CSMD1: variants seen among roughly 807,000 people sequenced by gnomAD.
CSMD1 encodes CUB and Sushi multiple domains 1, also known as CUB and sushi domain-containing protein 1.
In CSMD1, 213 loss-of-function variants were observed where a neutral mutation model predicts 417.5. The ratio of observed to expected loss-of-function variants is 0.51; its 90% CI spans 0.46 to 0.57. The LOEUF is 0.57. Among genes scored for constraint, CSMD1 ranks in the 20% least tolerant of loss-of-function variants. CSMD1 has a pLI of 0.00. For missense variants in CSMD1, 6,923 were observed against 4,529.7 expected (o/e 1.53, Z -15.17); for synonymous variants, 2,862 against 1,736.8 (o/e 1.65, Z -16.11).
chr8:4,870,403 A>G (rs1335526710), intron 1 of CSMD1, among the ~76,000 whole-genome samples: 2 of 152,162 alleles, frequency 1.3e-5, no homozygotes, highest in Admixed American at 6.5e-5. Flanking sequence ...ACAGAGCTAG[A>G]CCTCAATTTT....
intron 12 of CSMD1, among the ~76,000 whole-genome samples, chr8:3,455,958 C>A (rs1329362216): frequency 6.6e-6 from 1 of 152,132 alleles, no homozygotes; most frequent in Non-Finnish European, 1.5e-5. Flanking sequence ...GTGGGCTCCA[C>A]CCAGTTCGAG....
At chr8:3,546,437 G>C (rs986219010) in intron 10 of CSMD1, among the ~76,000 whole-genome samples, 1 of 151,952 alleles carries the variant, frequency 6.6e-6, no homozygotes, top group African/African-American at 2.4e-5. Flanking sequence ...TTGGGAGGCT[G>C]AGGCAGGAGA....
In CSMD1 at chr8:4,580,299, A is replaced by T. The variant is rs758060052; in HGVS notation, c.302+57043T>A. On this transcript the variant is annotated intron_variant, in intron 2 of 69. Coordinates refer to ENST00000635120, the MANE Select transcript of CSMD1 (RefSeq NM_033225.6). ...CAGCCAGGTGTCTCCATGCTCATTA[A>T]TTTATTTCCAGGAAGGTACATGAAA... 5.6e-4 allele frequency among the ~76,000 whole-genome samples: 85 copies of T among 152,158 alleles called. 1 individual carries two copies. The highest frequency in any genetic ancestry group is 1.2e-3 in the Non-Finnish European group (81 of 68,028).
chr8:4,593,255 C>T (rs549475190), intron 2 of CSMD1, among the ~76,000 whole-genome samples: 4 of 152,340 alleles, frequency 2.6e-5, no homozygotes, highest in African/African-American at 9.6e-5. Flanking sequence ...TCCGCAGGAA[C>T]ATGAGCGTTA....
chr8:4,472,681 T>C (rs2130064383), intron 2 of CSMD1, among the ~76,000 whole-genome samples: 1 of 152,170 alleles, frequency 6.6e-6, no homozygotes, highest in Non-Finnish European at 1.5e-5. Context: ...CTTTGTTATA[T>C]CAAGAAAATA....
At chr8:3,188,786 A>G (rs1796242270) in intron 35 of CSMD1, 101 bp downstream of exon 35, 4 of 1,010,080 alleles carry the variant, frequency 4.0e-6, no homozygotes, top group South Asian at 3.4e-5. Context: ...AGAGAGGGAG[A>G]GAGAGAGAGA....
chr8:3,413,680 CAAATTATGGTGACA>C (rs1812954248), intron 12 of CSMD1, among the ~76,000 whole-genome samples: 1 of 152,144 alleles, frequency 6.6e-6, no homozygotes, highest in African/African-American at 2.4e-5. Context: ...CTACTGCCTC[CAAATTATGGTGACA>C]AAATTCACAC....
At chr8:4,456,985 T>TTAAAA (rs71207092) in intron 2 of CSMD1, among the ~76,000 whole-genome samples, 2,670 of 138,688 alleles carry the variant, frequency 0.019, 37 homozygotes, top group African/African-American at 0.033. Context: ...GGTTTTTTTT[T>TTAAAA]AAAAAAAAAA....
At chr8:3,275,087 T>G (rs1421000925) in intron 26 of CSMD1, among the ~76,000 whole-genome samples, 2 of 152,230 alleles carry the variant, frequency 1.3e-5, no homozygotes, top group Non-Finnish European at 2.9e-5. Context: ...TTTCCATGTT[T>G]AGCGCTTCCT....
intron 3 of CSMD1, among the ~76,000 whole-genome samples, chr8:4,157,563 C>T (rs551434795): frequency 6.6e-6 from 1 of 152,226 alleles, no homozygotes; most frequent in South Asian, 2.1e-4. Context: ...GTTGTCATTC[C>T]CCCGTATTGC....
rs1019413667 is a variant in CSMD1, at chr8:3,399,678, A to G, written c.2267-149T>C. 6.6e-6 allele frequency: 4 copies of G among 609,054 alleles called. No individual in the cohort carries two copies. The South Asian group carries it at 9.9e-5, about 15-fold the overall frequency. 37.7% of individuals were successfully genotyped at this position (609,054 alleles called of 1,614,324 possible). A position where few individuals can be genotyped will look rare whatever the true frequency, so the allele number is the denominator to read the frequency against. ...CAAATCTTATTCCCAAGGAAACTGT[A>G]CATTTATTGAAAGCAGGGTCTATAT... On this transcript the variant is annotated intron_variant, in intron 15 of 69. Transcript: ENST00000635120.
intron 1 of CSMD1, among the ~76,000 whole-genome samples, chr8:4,684,673 C>T (rs535619528): frequency 2.0e-5 from 3 of 152,254 alleles, no homozygotes; most frequent in African/African-American, 7.2e-5. Context: ...TGAAATAATA[C>T]ATGTGAAACA....
At chr8:4,952,872 G>A (rs1463060385) in intron 1 of CSMD1, among the ~76,000 whole-genome samples, 1 of 152,102 alleles carries the variant, frequency 6.6e-6, no homozygotes, top group Non-Finnish European at 1.5e-5. Flanking sequence ...TGTAGACTGT[G>A]ATGTTGTTAA....
intron 10 of CSMD1, among the ~76,000 whole-genome samples, chr8:3,502,992 G>A (rs1049978336): frequency 6.6e-6 from 1 of 152,106 alleles, no homozygotes; most frequent in Non-Finnish European, 1.5e-5. Context: ...CATGTGTGGG[G>A]GCAGGGGGTA....
At position 3,077,782 on chromosome 8, in the gene CSMD1, G is replaced by C. The variant is rs561991403; in HGVS notation, c.7474+9315C>G. 2.4e-4 allele frequency among the ~76,000 whole-genome samples: 37 copies of C among 152,344 alleles called. 1 individual carries two copies. Among genetic ancestry groups the C allele is most frequent in the African/African-American group, 7.7e-4 (32 of 41,580 alleles). ...TTTCAAACTGTCACTTTCACAGGTAGAGGCTGCCGCTGTGCCTCTTCAATG... is the reference window on the plus strand; with the variant it reads ...TTTCAAACTGTCACTTTCACAGGTACAGGCTGCCGCTGTGCCTCTTCAATG... On this transcript the variant is annotated intron_variant, in intron 49 of 69. Transcript: ENST00000635120.
At chr8:4,596,130 A>G (rs538148266) in intron 2 of CSMD1, among the ~76,000 whole-genome samples, 20 of 152,194 alleles carry the variant, frequency 1.3e-4, no homozygotes, top group Non-Finnish European at 2.4e-4. Flanking sequence ...TAGTTCCAGT[A>G]TCTAAAAAAC....
At chr8:4,123,402 T>G (rs1802594586) in intron 3 of CSMD1, among the ~76,000 whole-genome samples, 1 of 152,246 alleles carries the variant, frequency 6.6e-6, no homozygotes, top group Admixed American at 6.5e-5. Context: ...GTGTGCCACA[T>G]ATTTCATTTG....
At chr8:4,764,277 G>C (rs1812303350) in intron 1 of CSMD1, among the ~76,000 whole-genome samples, 1 of 152,134 alleles carries the variant, frequency 6.6e-6, no homozygotes, top group Non-Finnish European at 1.5e-5. Context: ...TAATATTGGG[G>C]GTAGAGGTGA....
At chr8:3,932,241 A>G (rs1810200852) in intron 5 of CSMD1, among the ~76,000 whole-genome samples, 1 of 150,544 alleles carries the variant, frequency 6.6e-6, no homozygotes, top group Non-Finnish European at 1.5e-5. Context: ...CAAACTTAAG[A>G]GCAGGAAAAT....
Sources: gnomAD v4.1 joint callset for allele counts (sites outside exome capture counted in the v4.1 genomes callset) on GRCh38, gnomAD v4.1.1 for gene constraint, MANE v1.5 for transcripts, NCBI Gene and HGNC (gene_info 2026-07-23, HGNC 2026-07-21) for gene names.